The following PRDM2 variants were observed in gnomAD, a reference collection of about 807,000 sequenced individuals.
PRDM2 encodes PR domain zinc finger protein 2.
PRDM2 carries 30 observed loss-of-function variants against 130.0 expected under a neutral mutation model. That is an observed-to-expected ratio of 0.23 (90% CI 0.17 to 0.31). The LOEUF is 0.31. Ranked by LOEUF, PRDM2 falls within the 10% of genes least tolerant of loss-of-function variation. The pLI is 1.00. For synonymous variants in PRDM2, 871 were observed against 782.4 expected, an observed-to-expected ratio of 1.11 and a Z score of -1.89; for missense variants, 2,011 against 2,108.4, an observed-to-expected ratio of 0.95 and a Z score of 0.90.
chr1:13,749,377 A>G lies in PRDM2; in HGVS notation c.401A>G (p.Glu134Gly). Residue 134 changes from glutamate to glycine, a missense_variant, in exon 6 of 10, where the codon GAG becomes GGG. By Grantham distance (98) the Glu-to-Gly change is moderately conservative (BLOSUM62 -2). This residue lies in a region of PRDM2 where 1,288 missense variants were observed against 1,237.7 expected (regional missense o/e 1.04). Transcript: ENST00000311066. ...TCCCCGCAGCCAATCGCGCCGGGCGAGGAGCTCCTGGTCTGGTACAATGGG... is the reference window on the plus strand; with the variant it reads ...TCCCCGCAGCCAATCGCGCCGGGCGGGGAGCTCCTGGTCTGGTACAATGGG... ...YKTLKPIAPG[E>G]ELLVWYNGED... The G allele has an allele frequency of 1.4e-6, 2 of 1,469,938 alleles. No homozygotes were observed. The highest frequency in any genetic ancestry group is 1.8e-6 in the Non-Finnish European group (2 of 1,094,354). 91.1% of individuals were successfully genotyped at this position (1,469,938 alleles called of 1,614,324 possible).
At chr1:13,786,565 A>G (rs748939016) in intron 8 of PRDM2, 7 of 1,605,904 alleles carry the variant, frequency 4.4e-6, no homozygotes, top group Non-Finnish European at 5.1e-6. Context: ...AATTGACTAA[A>G]AAGTATTGCA....
At chr1:13,726,018 C>T (rs1336068845) in intron 2 of PRDM2, among the ~76,000 whole-genome samples, 1 of 152,204 alleles carries the variant, frequency 6.6e-6, no homozygotes, top group Non-Finnish European at 1.5e-5. Context: ...TTGAAATTAC[C>T]TAGCTCTGCC....
intron 9 of PRDM2, 137 bp downstream of exon 9, chr1:13,816,707 T>G: frequency 1.7e-6 from 2 of 1,209,476 alleles, no homozygotes; most frequent in Non-Finnish European, 2.3e-6. Context: ...GTGCAGGGCC[T>G]CCCTCCAGGA....
At chr1:13,796,320 G>A (rs2100719416) in intron 8 of PRDM2, among the ~76,000 whole-genome samples, 1 of 152,272 alleles carries the variant, frequency 6.6e-6, no homozygotes. Flanking sequence ...TTGTGGGCTG[G>A]GAAGCTAGAT....
chr1:13,758,446 CAAAAA>C (rs373553025), intron 6 of PRDM2, among the ~76,000 whole-genome samples: 1 of 73,842 alleles, frequency 1.4e-5, no homozygotes, highest in Admixed American at 1.6e-4. Context: ...GACTTTGTCT[CAAAAA>C]AAAAAAAAAA....
rs139821274 is a variant in PRDM2, at chr1:13,717,135, G to A, written c.9+1521G>A. 2.4e-3 allele frequency among the ~76,000 whole-genome samples: 358 copies of A among 152,232 alleles called. 3 individuals are homozygous for A. The highest frequency in any genetic ancestry group is 0.01 in the Middle Eastern group (3 of 294). On this transcript the variant is annotated intron_variant, in intron 2 of 9. Transcript: ENST00000311066. ...ATATGTCATAAAAAACGAATCTGGC[G>A]AACACATGGGGCACATGCTTTCTAT...
chr1:13,720,364 G>GGGAGAGTGGA (rs1463045393), intron 2 of PRDM2, among the ~76,000 whole-genome samples: 1 of 152,140 alleles, frequency 6.6e-6, no homozygotes, highest in Admixed American at 6.5e-5. Context: ...GGGCTGGGTA[G>GGGAGAGTGGA]GGAGAGTGGA....
At chr1:13,712,082 G>A (rs1036534199) in intron 1 of PRDM2, among the ~76,000 whole-genome samples, 3 of 150,764 alleles carry the variant, frequency 2.0e-5, no homozygotes, top group African/African-American at 7.3e-5. Context: ...AAATTAGCCA[G>A]GCATGGTGGC....
chr1:13,704,994 T>G (rs1642164587), intron 1 of PRDM2: 1 of 152,206 alleles, frequency 6.6e-6, no homozygotes, highest in Non-Finnish European at 1.5e-5. Context: ...TAAATTTAGA[T>G]TCTTAATTGT....
chr1:13,758,833 A>T (rs982445156), intron 6 of PRDM2, among the ~76,000 whole-genome samples: 1 of 152,218 alleles, frequency 6.6e-6, no homozygotes, highest in African/African-American at 2.4e-5. Context: ...TTAAAAGTAC[A>T]TACCATTTTT....
rs1354789032 is a variant in PRDM2 at position 13,715,550 on chromosome 1, A to T, written c.-56A>T. 1.1e-5 allele frequency: 16 copies of T among 1,480,074 alleles called. No individual in the cohort carries two copies. In the East Asian group the frequency reaches 3.9e-4, roughly 36 times the overall value. 91.7% of individuals were successfully genotyped at this position (1,480,074 alleles called of 1,614,324 possible). A position where few individuals can be genotyped will look rare whatever the true frequency, so the allele number is the denominator to read the frequency against. ...CTGTTTTTCTTTTTAGGGTTCATGT[A>T]ATCAAAGAAGTTTCTTTGTTGTGTG... is the stretch of plus-strand genomic sequence containing the variant. On this transcript the variant is annotated 5_prime_UTR_variant, in exon 2 of 10. The change abolishes the stop of an existing upstream ORF in the 5' untranslated region. Coordinates refer to ENST00000311066, the MANE Select transcript of PRDM2 (RefSeq NM_001393986.1).
chr1:13,798,995 C>CATG (rs1483823195), intron 8 of PRDM2, among the ~76,000 whole-genome samples: 1 of 152,198 alleles, frequency 6.6e-6, no homozygotes, highest in Admixed American at 6.5e-5. Flanking sequence ...ATTTCTCCTT[C>CATG]ACCGTGGTGA....
intron 8 of PRDM2, among the ~76,000 whole-genome samples, chr1:13,816,035 G>A (rs1013002492): frequency 6.6e-6 from 1 of 152,160 alleles, no homozygotes; most frequent in African/African-American, 2.4e-5. Flanking sequence ...CAGGGAGGCA[G>A]GTGGGGAAAT....
chr1:13,813,346 C>T (rs1645204587), intron 8 of PRDM2, among the ~76,000 whole-genome samples: 2 of 152,172 alleles, frequency 1.3e-5, no homozygotes, highest in South Asian at 2.1e-4. Flanking sequence ...TATTTAACAT[C>T]TCGGGGTTGG....
In PRDM2 at chr1:13,771,173, G is replaced by C. The variant is rs1425439109; in HGVS notation, c.512-1905G>C. Among the ~76,000 whole-genome samples, 1 of 152,218 alleles carries C rather than the reference G, an allele frequency of 6.6e-6. No homozygotes were observed. Among genetic ancestry groups the C allele is most frequent in the African/African-American group, 2.4e-5 (1 of 41,432 alleles). ...AGAGTCACAAGAGGACGTTATGCCT[G>C]TGGAAAGGTGCTTAGATGTTTGTGC... On this transcript the variant is annotated intron_variant, in intron 6 of 9. Transcript: ENST00000311066. The surrounding 1 kb of genome is among the most constrained non-coding windows in gnomAD (Gnocchi z 4.1).
intron 8 of PRDM2, among the ~76,000 whole-genome samples, chr1:13,807,850 C>T (rs569856868): frequency 7.2e-5 from 11 of 152,158 alleles, no homozygotes; most frequent in Admixed American, 2.6e-4. Context: ...CCCCAGGAGA[C>T]GATGCTCTGA....
chr1:13,798,503 C>T (rs1207299204), intron 8 of PRDM2, among the ~76,000 whole-genome samples: 1 of 152,194 alleles, frequency 6.6e-6, no homozygotes, highest in Non-Finnish European at 1.5e-5. Context: ...TAGCAACCCA[C>T]TACAGCACAG....
chr1:13,711,722 G>C (rs1325445874), intron 1 of PRDM2, among the ~76,000 whole-genome samples: 1 of 152,106 alleles, frequency 6.6e-6, no homozygotes, highest in African/African-American at 2.4e-5. Flanking sequence ...TTTTGTTGTT[G>C]TACAATATTT....
chr1:13,700,552 C>T (rs1216900257), intron 1 of PRDM2, among the ~76,000 whole-genome samples: 1 of 151,222 alleles, frequency 6.6e-6, no homozygotes, highest in Non-Finnish European at 1.5e-5. Flanking sequence ...CCGTGGGGTC[C>T]CTGCGGCGAA....
Sources: gnomAD v4.1 joint callset for allele counts (sites outside exome capture counted in the v4.1 genomes callset) on GRCh38, gnomAD v4.1.1 for gene constraint, gnomAD v4.1.1 regional missense constraint, Gnocchi (gnomAD v3.1) non-coding constraint, MANE v1.5 for transcripts, NCBI Gene and HGNC (gene_info 2026-07-23, HGNC 2026-07-21) for gene names.